ANGPT1: variants seen among roughly 807,000 people sequenced by gnomAD.
ANGPT1 encodes angiopoietin 1.
Under a neutral mutation model 62.2 loss-of-function variants are expected in ANGPT1, and 17 were observed. That is an observed-to-expected ratio of 0.27 (90% confidence interval 0.19 to 0.41). The LOEUF (loss-of-function observed/expected upper bound fraction) is 0.41. ANGPT1 is among the 10% of genes least tolerant of loss of function. The pLI is 1.00. For synonymous variants in ANGPT1, 199 were observed against 198.9 expected (o/e 1.00, Z 0.00); for missense variants, 478 against 594.9 (o/e 0.80, Z 2.04).
At chr8:107,478,366 T>C (rs1356648244) in intron 1 of ANGPT1, among the ~76,000 whole-genome samples, 1 of 151,602 alleles carries the variant, frequency 6.6e-6, no homozygotes, top group South Asian at 2.1e-4. Context: ...CTGGCTAACA[T>C]GGGAAAACCC....
chr8:107,465,472 T>G (rs980535230), intron 1 of ANGPT1, among the ~76,000 whole-genome samples: 1 of 152,148 alleles, frequency 6.6e-6, no homozygotes, highest in Non-Finnish European at 1.5e-5. Context: ...GCATATTATA[T>G]TTTCATGCAC....
chr8:107,342,918 C>G (rs1388674038), intron 2 of ANGPT1, among the ~76,000 whole-genome samples: 1 of 151,514 alleles, frequency 6.6e-6, no homozygotes, highest in African/African-American at 2.4e-5. Flanking sequence ...TCATTGTAAC[C>G]TTGAACTTCC....
At chr8:107,460,186 G>A (rs776877169) in intron 1 of ANGPT1, among the ~76,000 whole-genome samples, 1 of 152,182 alleles carries the variant, frequency 6.6e-6, no homozygotes, top group Non-Finnish European at 1.5e-5. Flanking sequence ...ATGTGGGGAT[G>A]TATAAAGTAT....
rs1019414603 is a variant in ANGPT1, at chr8:107,346,840, C to T, written c.453+102G>A. On this transcript the variant is annotated intron_variant, in intron 2 of 8. Coordinates refer to ENST00000517746, the MANE Select transcript of ANGPT1 (RefSeq NM_001146.5). ...TACCAATAAACAAAAATGTATGTTT[C>T]CCTAATCACAGTGCTGAAATGTGCT... is the stretch of plus-strand genomic sequence containing the variant. The T allele has an allele frequency of 2.1e-4, 217 of 1,049,478 alleles. 1 individual carries two copies. The highest frequency in any genetic ancestry group is 4.4e-5 in the Non-Finnish European group (33 of 748,158). 65.0% of individuals were successfully genotyped at this position (1,049,478 alleles called of 1,614,324 possible). A position where few individuals can be genotyped will look rare whatever the true frequency, so the allele number is the denominator to read the frequency against.
intron 1 of ANGPT1, among the ~76,000 whole-genome samples, chr8:107,478,274 C>T (rs1188367246): frequency 1.3e-5 from 2 of 150,330 alleles, no homozygotes; most frequent in East Asian, 1.9e-4. Flanking sequence ...ATCTGCCGGG[C>T]GTGGTGGCTC....
At chr8:107,282,554 ATATAT>A in intron 7 of ANGPT1, among the ~76,000 whole-genome samples, 2 of 10,352 alleles carry the variant, frequency 1.9e-4, no homozygotes, top group Admixed American at 1.3e-3. Flanking sequence ...TATATGAACC[ATATAT>A]ATATATATAT....
chr8:107,439,743 G>C (rs556279680), intron 1 of ANGPT1, among the ~76,000 whole-genome samples: 1 of 152,264 alleles, frequency 6.6e-6, no homozygotes, highest in South Asian at 2.1e-4. Flanking sequence ...AAAAGGATTT[G>C]AATAAAAGTA....
intron 2 of ANGPT1, among the ~76,000 whole-genome samples, chr8:107,343,928 G>A (rs531537893): frequency 1.3e-5 from 2 of 152,192 alleles, no homozygotes; most frequent in South Asian, 4.1e-4. Context: ...TGAGCATGGT[G>A]GCACACACCT....
At chr8:107,271,321 G>A (rs1813729449) in intron 7 of ANGPT1, among the ~76,000 whole-genome samples, 1 of 152,060 alleles carries the variant, frequency 6.6e-6, no homozygotes, top group Non-Finnish European at 1.5e-5. Flanking sequence ...TAAAAAGACT[G>A]CTGCATGCAA....
At chr8:107,337,694 A>G (rs1371074087) in intron 2 of ANGPT1, among the ~76,000 whole-genome samples, 2 of 152,228 alleles carry the variant, frequency 1.3e-5, no homozygotes, top group Non-Finnish European at 2.9e-5. Context: ...CCAGGTCAAT[A>G]TCAATGTAAA....
chr8:107,392,223 C>G (rs1344279765), intron 1 of ANGPT1, among the ~76,000 whole-genome samples: 2 of 151,876 alleles, frequency 1.3e-5, no homozygotes, highest in Admixed American at 1.3e-4. Context: ...CATTTTTATT[C>G]CAGTAGGATA....
At chr8:107,359,903 C>T (rs776637293) in intron 1 of ANGPT1, among the ~76,000 whole-genome samples, 1 of 151,804 alleles carries the variant, frequency 6.6e-6, no homozygotes, top group Non-Finnish European at 1.5e-5. Flanking sequence ...AATTTTATAC[C>T]CAGAAATAAA....
chr8:107,429,605 G>A (rs1448476207), intron 1 of ANGPT1, among the ~76,000 whole-genome samples: 10 of 146,758 alleles, frequency 6.8e-5, no homozygotes, highest in Admixed American at 2.1e-4. Flanking sequence ...GAGCCAATAG[G>A]AGCTCAAAGA....
At chr8:107,380,108 T>C (rs1465663753) in intron 1 of ANGPT1, among the ~76,000 whole-genome samples, 1 of 142,302 alleles carries the variant, frequency 7.0e-6, no homozygotes, top group African/African-American at 2.6e-5. Context: ...GGAAATGTGG[T>C]TTAAGGAAGA....
intron 4 of ANGPT1, among the ~76,000 whole-genome samples, chr8:107,306,948 G>A (rs116840862): frequency 5.9e-4 from 90 of 152,040 alleles, no homozygotes; most frequent in Non-Finnish European, 7.9e-4. Context: ...AAGCATCACC[G>A]AACAGATGTC....
chr8:107,264,828 T>C (rs1242863681), intron 7 of ANGPT1, among the ~76,000 whole-genome samples: 1 of 152,164 alleles, frequency 6.6e-6, no homozygotes, highest in Non-Finnish European at 1.5e-5. Context: ...TTATATTAAA[T>C]CTGTGATCCA....
intron 4 of ANGPT1, among the ~76,000 whole-genome samples, chr8:107,313,740 G>A (rs1343183142): frequency 6.6e-6 from 1 of 151,940 alleles, no homozygotes; most frequent in African/African-American, 2.4e-5. Context: ...ACCACGACTG[G>A]CCAAAATGTT....
chr8:107,454,683 C>T (rs926103126), intron 1 of ANGPT1, among the ~76,000 whole-genome samples: 1 of 152,082 alleles, frequency 6.6e-6, no homozygotes, highest in Non-Finnish European at 1.5e-5. Flanking sequence ...TAAATGCCGA[C>T]TTGAAATCAG....
At chr8:107,273,794 A>G (rs1813796132) in intron 7 of ANGPT1, among the ~76,000 whole-genome samples, 1 of 151,854 alleles carries the variant, frequency 6.6e-6, no homozygotes, top group Non-Finnish European at 1.5e-5. Flanking sequence ...TTTTTTTTTA[A>G]GTAACCAATG....
Sources: allele counts gnomAD v4.1 joint callset (sites outside exome capture counted in the v4.1 genomes callset), GRCh38; gene constraint gnomAD v4.1.1; transcripts MANE v1.5; gene names NCBI Gene and HGNC (gene_info 2026-07-23, HGNC 2026-07-21).